Variants in RNF2 observed in about 807,000 individuals in gnomAD.
RNF2 encodes the protein E3 ubiquitin-protein ligase RING2.
In RNF2, 6 loss-of-function variants were observed where a neutral mutation model predicts 37.2. That is an observed-to-expected ratio of 0.16 (90% CI 0.09 to 0.32). The LOEUF (loss-of-function observed/expected upper bound fraction) is 0.32. Ranked by LOEUF, RNF2 falls within the 10% of genes least tolerant of loss-of-function variation. The probability of loss-of-function intolerance (pLI) is 1.00; values close to 1 mark genes in which losing one functional copy is unlikely to be tolerated. For synonymous variants in RNF2, 133 were observed against 132.7 expected (o/e 1.00, Z -0.02); for missense variants, 251 against 404.0 (o/e 0.62, Z 3.25).
chr1:185,087,451 A>T lies in RNF2; in HGVS notation c.-2-101A>T. On this transcript the variant is annotated intron_variant, in intron 1 of 6. Coordinates refer to ENST00000367510, the MANE Select transcript of RNF2 (RefSeq NM_007212.4). ...CACCTCTTAATATTACTTCATTGAG[A>T]TTAGATTTCAACGTAGGAATTTTGG... is the stretch of plus-strand genomic sequence containing the variant. The T allele has an allele frequency of 7.6e-6, 7 of 926,138 alleles. No homozygotes were observed. In the South Asian group the frequency reaches 8.7e-5, roughly 12 times the overall value. 57.4% of individuals were successfully genotyped at this position (926,138 alleles called of 1,614,324 possible).
chr1:185,051,156 A>G lies in RNF2; in HGVS notation c.-3+5507A>G, dbSNP rs1006687885. ...ACTAATTCTTCACTTAAAAAAAAAG[A>G]TGTATGCCTCCATGCCAGTAATTGC... On this transcript the variant is annotated intron_variant, in intron 1 of 6. Transcript: ENST00000367510. Among the ~76,000 whole-genome samples the G allele has an allele frequency of 2.6e-5, 4 of 152,210 alleles. No individual in the cohort carries two copies. In the East Asian group the frequency reaches 7.7e-4, roughly 29 times the overall value.
intron 1 of RNF2, among the ~76,000 whole-genome samples, chr1:185,055,806 CTGT>C (rs2102155130): frequency 6.6e-6 from 1 of 152,230 alleles, no homozygotes; most frequent in East Asian, 1.9e-4. Context: ...GAAGTTATAT[CTGT>C]TGTTTAGTTT....
intron 1 of RNF2, among the ~76,000 whole-genome samples, chr1:185,058,003 T>A (rs1414045209): frequency 6.6e-6 from 1 of 152,128 alleles, no homozygotes; most frequent in Non-Finnish European, 1.5e-5. Flanking sequence ...TGCACACCTA[T>A]AGTCTCAGTT....
At chr1:185,059,638 T>C (rs145255631) in intron 1 of RNF2, among the ~76,000 whole-genome samples, 2 of 152,268 alleles carry the variant, frequency 1.3e-5, no homozygotes, top group African/African-American at 4.8e-5. Context: ...GTAGTAATAA[T>C]CATATGTTTG....
At chr1:185,062,852 C>A (rs1650653744) in intron 1 of RNF2, among the ~76,000 whole-genome samples, 1 of 150,052 alleles carries the variant, frequency 6.7e-6, no homozygotes, top group African/African-American at 2.5e-5. Context: ...TGAAAAGATA[C>A]TGTTTCACTC....
chr1:185,087,279 T>C (rs1651628775), intron 1 of RNF2, among the ~76,000 whole-genome samples: 1 of 152,196 alleles, frequency 6.6e-6, no homozygotes, highest in African/African-American at 2.4e-5. Context: ...AGATGCAGTG[T>C]CTGGTGAGGG....
In RNF2 at chr1:185,045,668, G is replaced by T. The variant is rs1355902610; in HGVS notation, c.-3+19G>T. 1 of 152,550 alleles carries T rather than the reference G, an allele frequency of 6.6e-6. No homozygotes were observed. The highest frequency in any genetic ancestry group is 2.4e-5 in the African/African-American group (1 of 41,448). The allele number at this position is 152,550 out of a possible 1,614,324, so 9.4% of individuals were successfully genotyped here. The stretch of plus-strand genomic sequence containing the variant: ...GGAGCCGGTGAGTGGGGCGGGCGGG[G>T]AGGCGAAGGACGCGGAAGCAGCGGG... On this transcript the variant is annotated intron_variant, in intron 1 of 6. Transcript: ENST00000367510.
rs571863435 is a variant in RNF2, at chr1:185,077,815, A to AT, written c.-2-9735dup. On this transcript the variant is annotated intron_variant, in intron 1 of 6. Coordinates refer to ENST00000367510, the MANE Select transcript of RNF2 (RefSeq NM_007212.4). ...TTCATTTTCTAATTTCTAATGCCTG[A>AT]TTCATTGTTTTTTTTCAGTCATTAT... Among the ~76,000 whole-genome samples, 570 of 146,606 alleles carry AT rather than the reference A, an allele frequency of 3.9e-3. 4 individuals are homozygous for AT. Among genetic ancestry groups the AT allele is most frequent in the African/African-American group, 0.014 (553 of 39,452 alleles).
At chr1:185,056,192 ATAT>A (rs1650429143) in intron 1 of RNF2, among the ~76,000 whole-genome samples, 2 of 152,304 alleles carry the variant, frequency 1.3e-5, no homozygotes, top group South Asian at 4.1e-4. Context: ...TGGAAAGATA[ATAT>A]TACAGTTGTG....
chr1:185,076,264 GGTT>G (rs71297840), intron 1 of RNF2, among the ~76,000 whole-genome samples: 1 of 52,604 alleles, frequency 1.9e-5, no homozygotes, highest in African/African-American at 6.7e-5. Flanking sequence ...ATCTTTTATG[GGTT>G]GTTTTTTTTT....
At chr1:185,076,596 G>GTT (rs59705922) in intron 1 of RNF2, among the ~76,000 whole-genome samples, 8 of 142,904 alleles carry the variant, frequency 5.6e-5, no homozygotes, top group Non-Finnish European at 9.3e-5. Flanking sequence ...TTATTTTATG[G>GTT]TTTTTTTTTT....
At chr1:185,081,536 G>T (rs929659546) in intron 1 of RNF2, among the ~76,000 whole-genome samples, 14 of 149,986 alleles carry the variant, frequency 9.3e-5, no homozygotes, top group Non-Finnish European at 1.6e-4. Context: ...TGGGATTACA[G>T]GTGTGTGCCA....
chr1:185,089,494 G>A (rs1050060980), intron 2 of RNF2, among the ~76,000 whole-genome samples: 3 of 152,208 alleles, frequency 2.0e-5, no homozygotes, highest in East Asian at 1.9e-4. Flanking sequence ...ACAAGAGCAC[G>A]TTCACCTGAG....
chr1:185,061,221 G>A (rs1347300533), intron 1 of RNF2, among the ~76,000 whole-genome samples: 2 of 150,556 alleles, frequency 1.3e-5, no homozygotes, highest in African/African-American at 4.9e-5. Context: ...TCTGCCTCCC[G>A]GGTTCACGCC....
In RNF2 at chr1:185,101,666, C is replaced by A. The variant is rs1652080636; in HGVS notation, c.*1365C>A. On this transcript the variant is annotated 3_prime_UTR_variant, in exon 7 of 7. Coordinates refer to ENST00000367510, the MANE Select transcript of RNF2 (RefSeq NM_007212.4). ...TTCAATAGGGTGTAGACCTCCAGTA[C>A]CTTTGTAACTAAAGTCTGTCTAGTC... The A allele has an allele frequency of 6.6e-6, 1 of 151,808 alleles. No individual in the cohort carries two copies. Among genetic ancestry groups the A allele is most frequent in the Non-Finnish European group, 1.5e-5 (1 of 67,854 alleles). The allele number at this position is 151,808 out of a possible 1,614,324, so 9.4% of individuals were successfully genotyped here. A position where few individuals can be genotyped will look rare whatever the true frequency, so the allele number is the denominator to read the frequency against.
At chr1:185,090,600 C>G (rs1651739087) in intron 2 of RNF2, among the ~76,000 whole-genome samples, 2 of 152,114 alleles carry the variant, frequency 1.3e-5, no homozygotes, top group Admixed American at 6.5e-5. Context: ...CCATCTTTGA[C>G]CATATAAAGA....
intron 1 of RNF2, among the ~76,000 whole-genome samples, chr1:185,056,340 T>C (rs1449394775): frequency 6.6e-6 from 1 of 151,848 alleles, no homozygotes; most frequent in Non-Finnish European, 1.5e-5. Flanking sequence ...AGATAAATTA[T>C]CCATCATTCT....
At chr1:185,075,115 C>A (rs1211716971) in intron 1 of RNF2, among the ~76,000 whole-genome samples, 1 of 152,112 alleles carries the variant, frequency 6.6e-6, no homozygotes, top group East Asian at 1.9e-4. Context: ...CTGCCTTAGC[C>A]TCCCTAGTAG....
chr1:185,069,892 A>C (rs1051450336), intron 1 of RNF2, among the ~76,000 whole-genome samples: 3 of 152,188 alleles, frequency 2.0e-5, no homozygotes, highest in Non-Finnish European at 4.4e-5. Context: ...CTTTCTGGCA[A>C]ATTTTGTTCG....
Sources: gnomAD v4.1 joint callset for allele counts (sites outside exome capture counted in the v4.1 genomes callset) on GRCh38, gnomAD v4.1.1 for gene constraint, MANE v1.5 for transcripts, NCBI Gene and HGNC (gene_info 2026-07-23, HGNC 2026-07-21) for gene names.